LARGE1: variants seen among roughly 807,000 people sequenced by gnomAD.
LARGE1 encodes the protein LARGE xylosyl- and glucuronyltransferase 1.
Under a neutral mutation model 87.6 loss-of-function variants are expected in LARGE1, and 43 were observed. The ratio of observed to expected loss-of-function variants is 0.49; its 90% confidence interval spans 0.38 to 0.63. The LOEUF (loss-of-function observed/expected upper bound fraction) is 0.63. Ranked by LOEUF, LARGE1 falls within the 30% of genes least tolerant of loss-of-function variation. LARGE1 has a pLI of 0.00. For missense variants in LARGE1, 802 were observed against 1,000.2 expected (o/e 0.80, Z 2.67); for synonymous variants, 434 against 394.6 (o/e 1.10, Z -1.18).
intron 3 of LARGE1, among the ~76,000 whole-genome samples, chr22:33,627,000 G>C (rs1255214796): frequency 6.6e-6 from 1 of 152,156 alleles, no homozygotes; most frequent in Non-Finnish European, 1.5e-5. Context: ...CTTGCAGGAT[G>C]GTGCTAAGGA....
At chr22:33,311,004 A>G (rs1935525776) in intron 11 of LARGE1, among the ~76,000 whole-genome samples, 1 of 149,224 alleles carries the variant, frequency 6.7e-6, no homozygotes, top group South Asian at 2.1e-4. Flanking sequence ...TTTGTTGCCC[A>G]GGCTGGAGTG....
intron 1 of LARGE1, among the ~76,000 whole-genome samples, chr22:33,861,175 C>T (rs1204441987): frequency 3.9e-5 from 6 of 152,142 alleles, no homozygotes; most frequent in Admixed American, 3.3e-4. Flanking sequence ...AAGCACAGCC[C>T]TATCTTGGTA....
intron 5 of LARGE1, among the ~76,000 whole-genome samples, chr22:33,576,732 C>T (rs1322785830): frequency 6.6e-6 from 1 of 152,086 alleles, no homozygotes; most frequent in Non-Finnish European, 1.5e-5. Context: ...TGCACAAGTC[C>T]CCTGATGTAA....
In LARGE1 at chr22:33,334,421, AAC is replaced by A. The variant is rs1444549292; in HGVS notation, c.1287+3223_1287+3224del. 6.9e-3 allele frequency among the ~76,000 whole-genome samples: 361 copies of A among 52,430 alleles called. 13 individuals carry two copies. The highest frequency in any genetic ancestry group is 0.059 in the African/African-American group (325 of 5,542). The allele number at this position is 52,430 out of a possible 152,430, so 34.4% of individuals were successfully genotyped here. A position where few individuals can be genotyped will look rare whatever the true frequency, so the allele number is the denominator to read the frequency against. On this transcript the variant is annotated intron_variant, in intron 10 of 14. Transcript: ENST00000397394. ...CAAGACTCTGTCTCAAAAAAAAAAAAACAAAAAAAAAAAACACCAAACAAAAA... is the reference window on the plus strand; with the variant it reads ...CAAGACTCTGTCTCAAAAAAAAAAAAAAAAAAAAAAAACACCAAACAAAAA...
intron 5 of LARGE1, among the ~76,000 whole-genome samples, chr22:33,576,004 G>C (rs2078341265): frequency 6.6e-6 from 1 of 152,152 alleles, no homozygotes; most frequent in Non-Finnish European, 1.5e-5. Flanking sequence ...TTGTGAACTG[G>C]ACTGTTACAG....
chr22:33,774,335 A>G (rs1440282390), intron 1 of LARGE1, among the ~76,000 whole-genome samples: 1 of 152,020 alleles, frequency 6.6e-6, no homozygotes, highest in East Asian at 1.9e-4. Flanking sequence ...AAAAAATAGG[A>G]GACGTTAATC....
Position 33,403,400 on chromosome 22 carries a change from A to C in LARGE1, c.893-19096T>G, listed in dbSNP as rs572215631. On this transcript the variant is annotated intron_variant, in intron 7 of 14. Coordinates refer to ENST00000397394, the MANE Select transcript of LARGE1 (RefSeq NM_133642.5). ...TCAATAACTGTCATCCTGAAGGACT[A>C]AGTTGATTTCAAAAGAACATTTTAA... Among the ~76,000 whole-genome samples, 71 of 152,328 alleles carry C rather than the reference A, an allele frequency of 4.7e-4. 1 individual carries two copies. The highest frequency in any genetic ancestry group is 1.7e-3 in the African/African-American group (71 of 41,590).
At chr22:33,399,337 A>G (rs1167224117) in intron 7 of LARGE1, among the ~76,000 whole-genome samples, 1 of 152,208 alleles carries the variant, frequency 6.6e-6, no homozygotes, top group Non-Finnish European at 1.5e-5. Flanking sequence ...ATGGCTGCAT[A>G]GTATTCCATG....
At chr22:33,468,254 A>G (rs2068696422) in intron 6 of LARGE1, among the ~76,000 whole-genome samples, 1 of 152,102 alleles carries the variant, frequency 6.6e-6, no homozygotes, top group African/African-American at 2.4e-5. Flanking sequence ...TTTTGGCCCC[A>G]TATCACCAAT....
rs368206885 is a variant in LARGE1 at position 33,264,474 on chromosome 22, C to T, written c.1730+39755G>A. On this transcript the variant is annotated intron_variant, in intron 11 of 11. Transcript: ENST00000608642. ...AGGAGTTGGAGACCAGCCTGGCCAA[C>T]GTGGTGAAATTCCTGTCTCTACTAA... Among the ~76,000 whole-genome samples the T allele has an allele frequency of 2.5e-3, 379 of 152,240 alleles. 3 individuals carry two copies. Among genetic ancestry groups the T allele is most frequent in the Non-Finnish European group, 4.1e-3 (282 of 68,020 alleles).
chr22:33,172,003 G>A (rs1225741137), intron 11 of LARGE1, among the ~76,000 whole-genome samples: 1 of 152,224 alleles, frequency 6.6e-6, no homozygotes, highest in African/African-American at 2.4e-5. Context: ...AGAGCCACAG[G>A]GGCATAGGTG....
At chr22:33,827,569 A>T (rs1314937529) in intron 1 of LARGE1, among the ~76,000 whole-genome samples, 3 of 152,186 alleles carry the variant, frequency 2.0e-5, no homozygotes, top group Non-Finnish European at 4.4e-5. Context: ...TTCTGGCCTG[A>T]ATTCACTCCT....
chr22:33,640,492 G>A (rs1203860973), intron 3 of LARGE1, among the ~76,000 whole-genome samples: 3 of 152,082 alleles, frequency 2.0e-5, no homozygotes, highest in Admixed American at 6.5e-5. Context: ...AAGTTATACC[G>A]AAAGTCAACA....
chr22:33,868,569 T>C (rs2064178054), intron 1 of LARGE1, among the ~76,000 whole-genome samples: 1 of 152,044 alleles, frequency 6.6e-6, no homozygotes, highest in African/African-American at 2.4e-5. Flanking sequence ...CACCATGACC[T>C]CCTCTTGCCC....
chr22:33,420,316 T>G (rs1001820894), intron 7 of LARGE1, among the ~76,000 whole-genome samples: 3 of 152,140 alleles, frequency 2.0e-5, no homozygotes, highest in African/African-American at 7.2e-5. Flanking sequence ...CAGGGTGGTA[T>G]GGCCATAGAC....
intron 6 of LARGE1, among the ~76,000 whole-genome samples, chr22:33,512,299 C>A (rs926577673): frequency 2.6e-5 from 4 of 151,930 alleles, no homozygotes; most frequent in Admixed American, 6.6e-5. Context: ...CTTCAAAATA[C>A]CAGAAACATC....
chr22:33,158,582 T>C (rs965123539), downstream of LARGE1, among the ~76,000 whole-genome samples: 10 of 152,164 alleles, frequency 6.6e-5, no homozygotes, highest in African/African-American at 2.2e-4. Context: ...AAAACTTCCA[T>C]CTGAATATCA....
chr22:33,331,010 C>T (rs1199397033), intron 10 of LARGE1, among the ~76,000 whole-genome samples: 2 of 152,224 alleles, frequency 1.3e-5, no homozygotes, highest in Non-Finnish European at 2.9e-5. Context: ...GTTCCCTTCT[C>T]TGCTACGTCT....
intron 6 of LARGE1, among the ~76,000 whole-genome samples, chr22:33,509,154 G>A (rs1324841268): frequency 1.3e-5 from 2 of 152,114 alleles, no homozygotes; most frequent in African/African-American, 2.4e-5. Context: ...TAATCACTGA[G>A]GGCCCCACCC....
Sources: allele counts gnomAD v4.1 joint callset (sites outside exome capture counted in the v4.1 genomes callset), GRCh38; gene constraint gnomAD v4.1.1; transcripts MANE v1.5; gene names NCBI Gene and HGNC (gene_info 2026-07-23, HGNC 2026-07-21).